Variants in LSAMP observed in about 807,000 individuals in gnomAD.
LSAMP encodes limbic system associated membrane protein.
Under a neutral mutation model 38.6 loss-of-function variants are expected in LSAMP, and 7 were observed. The ratio of observed to expected loss-of-function variants is 0.18; its 90% confidence interval spans 0.10 to 0.34. The LOEUF (loss-of-function observed/expected upper bound fraction) is 0.34, where lower values mean the gene tolerates loss of function less well. LSAMP is among the 10% of genes least tolerant of loss of function. LSAMP has a pLI of 1.00. For synonymous variants in LSAMP, 154 were observed against 166.8 expected (o/e 0.92, Z 0.59); for missense variants, 313 against 420.0 (o/e 0.75, Z 2.23).
At chr3:116,149,797 A>G (rs537640138) in intron 1 of LSAMP, among the ~76,000 whole-genome samples, 10 of 152,140 alleles carry the variant, frequency 6.6e-5, no homozygotes, top group Non-Finnish European at 1.5e-4. Flanking sequence ...TTGAATAAAT[A>G]TCTTTCATAA....
At chr3:116,025,803 C>T (rs938675931) in intron 2 of LSAMP, among the ~76,000 whole-genome samples, 1 of 152,050 alleles carries the variant, frequency 6.6e-6, no homozygotes, top group Non-Finnish European at 1.5e-5. Context: ...ACTTACCATG[C>T]TAACTAATTC....
chr3:116,372,876 A>C (rs949816146), intron 1 of LSAMP, among the ~76,000 whole-genome samples: 1 of 151,218 alleles, frequency 6.6e-6, no homozygotes, highest in Admixed American at 6.6e-5. Flanking sequence ...AAAAAAAAAA[A>C]AACAGAATAT....
rs143318316 is a variant in LSAMP at position 116,400,680 on chromosome 3, G to A, written c.155+44197C>T. On this transcript the variant is annotated intron_variant, in intron 1 of 6. Coordinates refer to ENST00000490035, the MANE Select transcript of LSAMP (RefSeq NM_002338.5). Reference sequence around the variant, plus strand: ...TTTAGTAGGGACGGGGTTTCACCACGTTAGCCAGGCTGTTCTCAAACTCCT... The same window carrying A: ...TTTAGTAGGGACGGGGTTTCACCACATTAGCCAGGCTGTTCTCAAACTCCT... Among the ~76,000 whole-genome samples, 419 of 152,064 alleles carry A rather than the reference G, an allele frequency of 2.8e-3. 2 individuals are homozygous for A. The highest frequency in any genetic ancestry group is 9.6e-3 in the African/African-American group (397 of 41,454).
chr3:116,266,515 T>C (rs1421088124), intron 1 of LSAMP, among the ~76,000 whole-genome samples: 1 of 152,190 alleles, frequency 6.6e-6, no homozygotes, highest in Non-Finnish European at 1.5e-5. Flanking sequence ...ATGGAATCCA[T>C]AGCAGAGGGT....
In LSAMP at chr3:116,445,142, G is replaced by A. The variant is rs2049494166; in HGVS notation, c.-111C>T. ...TTCATCCACAGCGAGCGCAGAGCGG[G>A]CTTTGCCAGTTTATGGTCCTTTCCA... On this transcript the variant is annotated 5_prime_UTR_variant, in exon 1 of 7. Transcript: ENST00000490035. 8.9e-7 allele frequency: 1 copy of A among 1,127,242 alleles called. No homozygotes were observed. The highest frequency in any genetic ancestry group is 1.5e-5 in the South Asian group (1 of 64,650). 69.8% of individuals were successfully genotyped at this position (1,127,242 alleles called of 1,614,324 possible). A position where few individuals can be genotyped will look rare whatever the true frequency, so the allele number is the denominator to read the frequency against.
intron 3 of LSAMP, among the ~76,000 whole-genome samples, chr3:115,992,958 C>T (rs1939712975): frequency 6.6e-6 from 1 of 152,048 alleles, no homozygotes; most frequent in Non-Finnish European, 1.5e-5. Context: ...CTAGCTGATA[C>T]TGGATGTATG....
At chr3:116,326,018 G>A (rs566054315) in intron 1 of LSAMP, among the ~76,000 whole-genome samples, 1 of 152,098 alleles carries the variant, frequency 6.6e-6, no homozygotes. Context: ...AATAATTGAG[G>A]AGTGGGGGAT....
intron 3 of LSAMP, among the ~76,000 whole-genome samples, chr3:116,015,453 C>T (rs1940451517): frequency 6.6e-6 from 1 of 152,032 alleles, no homozygotes. Flanking sequence ...AGTGCAATTG[C>T]CCTCTGGGAG....
At chr3:116,280,354 A>G (rs60713174) in intron 1 of LSAMP, among the ~76,000 whole-genome samples, 15,637 of 152,178 alleles carry the variant, frequency 0.1, 1,420 homozygotes, top group African/African-American at 0.24. Flanking sequence ...AAGAGACCTG[A>G]ACTCAACTTC....
chr3:116,255,592 C>A (rs2046739701), intron 1 of LSAMP, among the ~76,000 whole-genome samples: 1 of 152,152 alleles, frequency 6.6e-6, no homozygotes, highest in Non-Finnish European at 1.5e-5. Context: ...CCAATTTAAT[C>A]TTTTTTCCCC....
chr3:116,144,266 A>G (rs956710152), intron 1 of LSAMP, among the ~76,000 whole-genome samples: 2 of 151,958 alleles, frequency 1.3e-5, no homozygotes, highest in Non-Finnish European at 2.9e-5. Context: ...GCTGGGTGCA[A>G]TGGTTCATGT....
intron 1 of LSAMP, among the ~76,000 whole-genome samples, chr3:116,280,510 C>G (rs1368302570): frequency 2.0e-5 from 3 of 152,250 alleles, no homozygotes; most frequent in African/African-American, 7.2e-5. Flanking sequence ...AGGATTCAAT[C>G]AACTGAAAAC....
intron 1 of LSAMP, among the ~76,000 whole-genome samples, chr3:116,277,532 G>A (rs1266497028): frequency 6.6e-6 from 1 of 151,994 alleles, no homozygotes; most frequent in Non-Finnish European, 1.5e-5. Context: ...ACCACGCCTG[G>A]CTAATTTTTT....
chr3:116,142,350 G>A (rs1268243635), intron 1 of LSAMP, among the ~76,000 whole-genome samples: 11 of 151,990 alleles, frequency 7.2e-5, no homozygotes, highest in Admixed American at 7.2e-4. Flanking sequence ...TAGTTTTTAT[G>A]TTCACAAAAT....
At chr3:115,933,305 G>A (rs916864207) in intron 3 of LSAMP, among the ~76,000 whole-genome samples, 2 of 152,266 alleles carry the variant, frequency 1.3e-5, no homozygotes, top group South Asian at 4.1e-4. Context: ...TTGAAAGACT[G>A]GTTGGAAGCC....
At chr3:116,134,541 G>C (rs1343344027) in intron 1 of LSAMP, among the ~76,000 whole-genome samples, 1 of 152,152 alleles carries the variant, frequency 6.6e-6, no homozygotes, top group Non-Finnish European at 1.5e-5. Flanking sequence ...CCGTGCTTAA[G>C]GTATCCTGGA....
chr3:115,990,592 T>C (rs1939639203), intron 3 of LSAMP, among the ~76,000 whole-genome samples: 1 of 152,086 alleles, frequency 6.6e-6, no homozygotes, highest in South Asian at 2.1e-4. Context: ...ATTCCAAATG[T>C]AGCTTGGTTC....
chr3:115,834,535 A>T, intron 6 of LSAMP: 1 of 1,280,702 alleles, frequency 7.8e-7, no homozygotes, highest in South Asian at 1.2e-5. Flanking sequence ...CCAGGAAGAG[A>T]GCTACAGTGA....
intron 1 of LSAMP, among the ~76,000 whole-genome samples, chr3:116,371,769 C>T (rs2048432192): frequency 6.6e-6 from 1 of 151,984 alleles, no homozygotes; most frequent in Non-Finnish European, 1.5e-5. Context: ...GATATATGAT[C>T]TTCTCTATAG....
Sources: gnomAD v4.1 joint callset for allele counts (sites outside exome capture counted in the v4.1 genomes callset) on GRCh38, gnomAD v4.1.1 for gene constraint, MANE v1.5 for transcripts, NCBI Gene and HGNC (gene_info 2026-07-23, HGNC 2026-07-21) for gene names.